The following MALRD1 variants were observed in gnomAD, a reference collection of about 807,000 sequenced individuals.
MALRD1 encodes MAM and LDL-receptor class A domain-containing protein 1.
Under a neutral mutation model 242.1 loss-of-function variants are expected in MALRD1, and 247 were observed. The ratio of observed to expected loss-of-function variants is 1.02; its 90% CI spans 0.92 to 1.13. The LOEUF (loss-of-function observed/expected upper bound fraction) is 1.13, where lower values mean the gene tolerates loss of function less well. Ranked by LOEUF, MALRD1 falls within the 50% of genes most tolerant of loss-of-function variation. The pLI is 0.00. For synonymous variants in MALRD1, 995 were observed against 866.6 expected, an observed-to-expected ratio of 1.15 and a Z score of -2.60; for missense variants, 2,989 against 2,533.1, an observed-to-expected ratio of 1.18 and a Z score of -3.86.
intron 28 of MALRD1, among the ~76,000 whole-genome samples, chr10:19,425,327 T>C (rs1833864534): frequency 6.6e-6 from 1 of 152,212 alleles, no homozygotes; most frequent in Non-Finnish European, 1.5e-5. Context: ...CCTTCTTCCC[T>C]TTATTCATCA....
At chr10:19,673,907 A>G (rs1258768944) in intron 36 of MALRD1, among the ~76,000 whole-genome samples, 1 of 151,962 alleles carries the variant, frequency 6.6e-6, no homozygotes, top group Non-Finnish European at 1.5e-5. Flanking sequence ...TACATAATTT[A>G]TATGCGTGTG....
At chr10:19,550,278 A>G (rs1835420166) in intron 32 of MALRD1, among the ~76,000 whole-genome samples, 2 of 152,108 alleles carry the variant, frequency 1.3e-5, no homozygotes, top group Admixed American at 6.6e-5. Flanking sequence ...ATTATTTATA[A>G]TTCAGTGACA....
Position 19,048,929 on chromosome 10 carries a change from A to G in MALRD1, c.-10A>G. 1 of 1,233,594 alleles carries G rather than the reference A, an allele frequency of 8.1e-7. No homozygotes were observed. The highest frequency in any genetic ancestry group is 4.1e-5 in the South Asian group (1 of 24,398). The allele number at this position is 1,233,594 out of a possible 1,614,324, so 76.4% of individuals were successfully genotyped here. On this transcript the variant is annotated 5_prime_UTR_variant, in exon 1 of 40. Transcript: ENST00000454679. The stretch of plus-strand genomic sequence containing the variant: ...ACAACTGCTTGATCTCTAATAGACA[A>G]TACCAAGTAATGCTCTTCTTCCTGG...
rs1588576068 is a variant in MALRD1 at position 19,122,201 on chromosome 10, A to T, written c.695-1291A>T. On this transcript the variant is annotated intron_variant, in intron 5 of 39. Coordinates refer to ENST00000454679, the MANE Select transcript of MALRD1 (RefSeq NM_001142308.3). Reference sequence around the variant, plus strand: ...TAGGTGAGGGAAATAACTGAAAATAATTTAGGATCCTGGGCTTGTAGAACC... The same window carrying T: ...TAGGTGAGGGAAATAACTGAAAATATTTTAGGATCCTGGGCTTGTAGAACC... Among the ~76,000 whole-genome samples the T allele has an allele frequency of 2.0e-5, 3 of 152,294 alleles. No individual in the cohort carries two copies. The South Asian group carries it at 6.2e-4, about 32-fold the overall frequency.
At chr10:19,579,278 C>T (rs1383437292) in intron 33 of MALRD1, among the ~76,000 whole-genome samples, 1 of 152,132 alleles carries the variant, frequency 6.6e-6, no homozygotes, top group Non-Finnish European at 1.5e-5. Flanking sequence ...GAGTGGTCTT[C>T]TCTAATGCCC....
chr10:19,488,871 G>C (rs1837345773), intron 29 of MALRD1: 5 of 353,768 alleles, frequency 1.4e-5, no homozygotes, highest in South Asian at 8.4e-5. Context: ...GCAGAGTTAG[G>C]ATTTTTGTTA....
intron 4 of MALRD1, among the ~76,000 whole-genome samples, chr10:19,103,538 C>A (rs1242352966): frequency 7.0e-6 from 1 of 142,042 alleles, no homozygotes; most frequent in Non-Finnish European, 1.5e-5. Flanking sequence ...GGTGAAAAAG[C>A]GAGACTCCGT....
intron 38 of MALRD1, among the ~76,000 whole-genome samples, chr10:19,718,396 G>A (rs1482148341): frequency 6.6e-6 from 1 of 152,182 alleles, no homozygotes; most frequent in Non-Finnish European, 1.5e-5. Flanking sequence ...AGGCAAAGCA[G>A]GAGCAAGCAC....
intron 28 of MALRD1, among the ~76,000 whole-genome samples, chr10:19,409,528 A>G (rs1833184163): frequency 6.6e-6 from 1 of 152,198 alleles, no homozygotes; most frequent in Non-Finnish European, 1.5e-5. Context: ...ATGGGATAGG[A>G]GAAAAGCAGG....
intron 28 of MALRD1, among the ~76,000 whole-genome samples, chr10:19,440,578 G>A (rs1834586236): frequency 6.6e-6 from 1 of 152,098 alleles, no homozygotes; most frequent in South Asian, 2.1e-4. Context: ...CCACCTATGA[G>A]TGGGAACATG....
intron 31 of MALRD1, among the ~76,000 whole-genome samples, chr10:19,530,339 T>TAAA (rs1564416832): frequency 3.8e-5 from 5 of 132,334 alleles, no homozygotes; most frequent in African/African-American, 1.1e-4. Context: ...ATATATAATA[T>TAAA]TTATATAAAT....
chr10:19,630,214 G>A (rs562524665), intron 36 of MALRD1, among the ~76,000 whole-genome samples: 12 of 152,102 alleles, frequency 7.9e-5, no homozygotes, highest in African/African-American at 2.4e-4. Flanking sequence ...TAAGTTTAAG[G>A]TTAAATTATG....
At chr10:19,286,605 C>T (rs1238700078) in intron 21 of MALRD1, among the ~76,000 whole-genome samples, 3 of 151,888 alleles carry the variant, frequency 2.0e-5, no homozygotes, top group Non-Finnish European at 4.4e-5. Context: ...ATACACTCTC[C>T]CAAGACTAAA....
At chr10:19,509,481 T>C (rs1158266444) in intron 31 of MALRD1, among the ~76,000 whole-genome samples, 1 of 152,186 alleles carries the variant, frequency 6.6e-6, no homozygotes, top group Non-Finnish European at 1.5e-5. Flanking sequence ...TTCAGGGTAA[T>C]GGCCTCTTGG....
In MALRD1 at chr10:19,323,995, A is replaced by G. The variant is rs1223770777; in HGVS notation, c.3466A>G (p.Lys1156Glu). The part of the protein sequence containing the change: ...WYLYADSSNG[K>E]FGDTADILTP... ...CCTGTATGCTGACAGTTCTAATGGG[A>G]AATTTGGTGACACGGCTGACATTCT... The change falls in exon 22 of 40, where the codon AAA becomes GAA. Residue 1156 changes from lysine (K) to glutamate (E), a missense_variant. Transcript: ENST00000454679. 6.4e-7 allele frequency: 1 copy of G among 1,550,874 alleles called. No homozygotes were observed. Among genetic ancestry groups the G allele is most frequent in the Non-Finnish European group, 8.7e-7 (1 of 1,146,950 alleles).
intron 38 of MALRD1, among the ~76,000 whole-genome samples, chr10:19,719,223 CATATATATATATATATATATATATATAT>C (rs368394538): frequency 1.3e-5 from 1 of 76,432 alleles, no homozygotes; most frequent in South Asian, 4.0e-4. Context: ...CACATACATA[CATATATATATATATATATATATATATAT>C]ATATATATGC....
chr10:19,083,109 A>G (rs938652870), intron 2 of MALRD1, among the ~76,000 whole-genome samples: 20 of 152,016 alleles, frequency 1.3e-4, no homozygotes, highest in African/African-American at 2.2e-4. Context: ...ACCTCCCAAA[A>G]GTCTCATCTT....
intron 2 of MALRD1, 119 bp downstream of exon 2, chr10:19,066,978 A>T (rs1295888687): frequency 1.5e-6 from 1 of 679,838 alleles, no homozygotes; most frequent in Non-Finnish European, 2.1e-6. Context: ...ATGTTTAATT[A>T]GGGAAGCAGA....
At chr10:19,076,259 CATCATCTATCTATCTATCT>C (rs1044868930) in intron 2 of MALRD1, among the ~76,000 whole-genome samples, 6 of 142,884 alleles carry the variant, frequency 4.2e-5, no homozygotes, top group Non-Finnish European at 6.1e-5. Context: ...TCTATATAGC[CATCATCTATCTATCTATCT>C]ATCATCTATC....
Sources: allele counts gnomAD v4.1 joint callset (sites outside exome capture counted in the v4.1 genomes callset), GRCh38; gene constraint gnomAD v4.1.1; transcripts MANE v1.5; gene names NCBI Gene and HGNC (gene_info 2026-07-23, HGNC 2026-07-21).